RFX3: variants seen among roughly 807,000 people sequenced by gnomAD.
RFX3 encodes transcription factor RFX3.
In RFX3, 14 loss-of-function variants were observed where a neutral mutation model predicts 98.6. That is an observed-to-expected ratio of 0.14 (90% CI 0.09 to 0.22). The LOEUF (loss-of-function observed/expected upper bound fraction) is 0.22, where lower values mean the gene tolerates loss of function less well. RFX3 is among the 10% of genes least tolerant of loss of function. The pLI is 1.00. For synonymous variants in RFX3, 383 were observed against 328.4 expected (o/e 1.17, Z -1.80); for missense variants, 639 against 926.9 (o/e 0.69, Z 4.03).
chr9:3,369,259 A>G (rs1424923812), intron 2 of RFX3, among the ~76,000 whole-genome samples: 1 of 152,178 alleles, frequency 6.6e-6, no homozygotes, highest in Admixed American at 6.5e-5. Context: ...TCAACGTTTG[A>G]TGACAGCCTG....
At chr9:3,365,097 C>T (rs7020102) in intron 2 of RFX3, among the ~76,000 whole-genome samples, 5,577 of 151,986 alleles carry the variant, frequency 0.037, 352 homozygotes, top group African/African-American at 0.13. Flanking sequence ...GTCAGGAGAT[C>T]GAGACCATCC....
At position 3,525,957 on chromosome 9, in the gene RFX3, C is replaced by G. The variant is rs1300853653; in HGVS notation, c.-219G>C. On this transcript the variant is annotated 5_prime_UTR_variant, in exon 1 of 17. Transcript: ENST00000617270. ...GAGAGAGAGGGAGAGAGAGAGAGAG[C>G]GAGAGGGAGAGGGAGACACTCGCAC... 17 of 438,134 alleles carry G rather than the reference C, an allele frequency of 3.9e-5. No homozygotes were observed. The South Asian group carries it at 1.4e-3, about 37-fold the overall frequency. The allele number at this position is 438,134 out of a possible 1,614,324, so 27.1% of individuals were successfully genotyped here.
chr9:3,395,973 G>A (rs1255318009), intron 1 of RFX3, among the ~76,000 whole-genome samples: 1 of 151,764 alleles, frequency 6.6e-6, no homozygotes, highest in Non-Finnish European at 1.5e-5. Context: ...TAAGTGTCAT[G>A]AATTCTACTT....
At chr9:3,293,342 A>T (rs1333112524) in intron 5 of RFX3, 84 bp from the exon 6 acceptor site, 7 of 946,278 alleles carry the variant, frequency 7.4e-6, no homozygotes, top group Non-Finnish European at 1.1e-5. Context: ...CAACATACAG[A>T]AATACTTAGA....
At chr9:3,427,682 T>A (rs965704779) in intron 1 of RFX3, among the ~76,000 whole-genome samples, 2 of 151,712 alleles carry the variant, frequency 1.3e-5, no homozygotes, top group Non-Finnish European at 2.9e-5. Context: ...TCCTCTCTTT[T>A]GGCAGAATTA....
At chr9:3,433,365 C>T (rs958630161) in intron 1 of RFX3, among the ~76,000 whole-genome samples, 6 of 152,164 alleles carry the variant, frequency 3.9e-5, no homozygotes, top group African/African-American at 1.4e-4. Context: ...TGATTATCTA[C>T]TCCCATTGAA....
At chr9:3,485,758 T>C (rs576446175) in intron 1 of RFX3, among the ~76,000 whole-genome samples, 1 of 152,128 alleles carries the variant, frequency 6.6e-6, no homozygotes, top group Non-Finnish European at 1.5e-5. Flanking sequence ...CATAAATACA[T>C]AGCAATACAT....
At chr9:3,425,666 T>C (rs1161776950) in intron 1 of RFX3, among the ~76,000 whole-genome samples, 1 of 152,208 alleles carries the variant, frequency 6.6e-6, no homozygotes, top group Non-Finnish European at 1.5e-5. Context: ...ACTTACTGGA[T>C]GTATAAGTCA....
At chr9:3,311,345 T>C (rs1829936125) in intron 4 of RFX3, among the ~76,000 whole-genome samples, 2 of 151,894 alleles carry the variant, frequency 1.3e-5, no homozygotes. Flanking sequence ...CTTGGAGACT[T>C]ATGTTTAGAA....
At chr9:3,523,525 C>A (rs1324023597) in intron 1 of RFX3, among the ~76,000 whole-genome samples, 1 of 152,070 alleles carries the variant, frequency 6.6e-6, no homozygotes, top group African/African-American at 2.4e-5. Context: ...AAATCTAAAT[C>A]ACAGAAAACC....
intron 4 of RFX3, among the ~76,000 whole-genome samples, chr9:3,314,565 G>C (rs1054008241): frequency 2.0e-5 from 3 of 152,120 alleles, no homozygotes; most frequent in Admixed American, 2.0e-4. Context: ...CCAGTTAAAA[G>C]ACACAGACTG....
chr9:3,513,672 C>G (rs117317145), intron 1 of RFX3, among the ~76,000 whole-genome samples: 224 of 152,282 alleles, frequency 1.5e-3, no homozygotes, highest in Admixed American at 2.4e-3. Context: ...AGTGTTGCAT[C>G]AGGATCGCTA....
At position 3,224,869 on chromosome 9, in the gene RFX3, A is replaced by C; in HGVS notation, c.*173T>G. The C allele has an allele frequency of 5.4e-6, 3 of 556,716 alleles. No homozygotes were observed. Among genetic ancestry groups the C allele is most frequent in the Non-Finnish European group, 9.1e-6 (3 of 331,490 alleles). The allele number at this position is 556,716 out of a possible 1,614,324, so 34.5% of individuals were successfully genotyped here. A position where few individuals can be genotyped will look rare whatever the true frequency, so the allele number is the denominator to read the frequency against. ...AGAAGCAAATAATTTGTTTACGTTAAAAAAAAAGATCTGGCAAAATACATA... is the reference window on the plus strand; with the variant it reads ...AGAAGCAAATAATTTGTTTACGTTACAAAAAAAGATCTGGCAAAATACATA... On this transcript the variant is annotated 3_prime_UTR_variant, in exon 17 of 17. Transcript: ENST00000617270.
At chr9:3,474,261 GTC>G (rs1360313591) in intron 1 of RFX3, among the ~76,000 whole-genome samples, 1 of 152,144 alleles carries the variant, frequency 6.6e-6, no homozygotes, top group African/African-American at 2.4e-5. Context: ...CACAAAAACA[GTC>G]TATTTATACA....
chr9:3,302,735 C>T (rs1227948763), intron 4 of RFX3, among the ~76,000 whole-genome samples: 1 of 151,680 alleles, frequency 6.6e-6, no homozygotes, highest in African/African-American at 2.4e-5. Flanking sequence ...AAAAATAATG[C>T]AGTAATATCT....
intron 3 of RFX3, among the ~76,000 whole-genome samples, chr9:3,333,435 GTT>G (rs774597966): frequency 5.5e-5 from 6 of 109,400 alleles, no homozygotes; most frequent in African/African-American, 6.6e-5. Flanking sequence ...CATAGAAAAT[GTT>G]TTTTTTTTTT....
At chr9:3,274,696 G>T (rs10971055) in intron 9 of RFX3, among the ~76,000 whole-genome samples, 11 of 152,218 alleles carry the variant, frequency 7.2e-5, no homozygotes, top group African/African-American at 2.6e-4. Flanking sequence ...TATTTTAATA[G>T]AAATATACAC....
chr9:3,477,647 C>T (rs1395387618), intron 1 of RFX3, among the ~76,000 whole-genome samples: 1 of 152,196 alleles, frequency 6.6e-6, no homozygotes. Flanking sequence ...TGGGCTTATT[C>T]AACTTGGATT....
intron 1 of RFX3, among the ~76,000 whole-genome samples, chr9:3,423,507 C>T (rs938572465): frequency 1.3e-5 from 2 of 151,904 alleles, no homozygotes; most frequent in Admixed American, 6.6e-5. Context: ...CAACATTGGG[C>T]TGAGCAAAAG....
Sources: allele counts gnomAD v4.1 joint callset (sites outside exome capture counted in the v4.1 genomes callset), GRCh38; gene constraint gnomAD v4.1.1; transcripts MANE v1.5; gene names NCBI Gene and HGNC (gene_info 2026-07-23, HGNC 2026-07-21).